The following CREB5 variants were observed in gnomAD, a reference collection of about 807,000 sequenced individuals.
The protein encoded by CREB5 is cyclic AMP-responsive element-binding protein 5.
CREB5 carries 19 observed loss-of-function variants against 57.1 expected under a neutral mutation model. The ratio of observed to expected loss-of-function variants is 0.33; its 90% confidence interval spans 0.23 to 0.49. CREB5 has a LOEUF of 0.49. CREB5 is among the 20% of genes least tolerant of loss of function. The probability of loss-of-function intolerance (pLI) is 0.99; values close to 1 mark genes in which losing one functional copy is unlikely to be tolerated. For synonymous variants in CREB5, 238 were observed against 238.3 expected, an observed-to-expected ratio of 1.00 and a Z score of 0.01; for missense variants, 579 against 671.6, an observed-to-expected ratio of 0.86 and a Z score of 1.52.
chr7:28,582,468 ACTT>A (rs1440728688), intron 5 of CREB5, among the ~76,000 whole-genome samples: 8 of 152,158 alleles, frequency 5.3e-5, no homozygotes, highest in Non-Finnish European at 1.0e-4. Context: ...TGTTGCATCA[ACTT>A]CTTTTTAGTC....
At chr7:28,589,032 G>T (rs1287066207) in intron 5 of CREB5, among the ~76,000 whole-genome samples, 1 of 152,054 alleles carries the variant, frequency 6.6e-6, no homozygotes, top group African/African-American at 2.4e-5. Context: ...CTCACTCTAT[G>T]GTCACTTTTC....
chr7:28,564,356 C>T (rs915408759), intron 4 of CREB5, among the ~76,000 whole-genome samples: 5 of 152,206 alleles, frequency 3.3e-5, no homozygotes, highest in African/African-American at 1.2e-4. Flanking sequence ...ATGCTCCAAC[C>T]TTCACTTTCA....
At chr7:28,411,465 C>T (rs7801904), upstream of CREB5, among the ~76,000 whole-genome samples, 719 of 144,078 alleles carry the variant, frequency 5.0e-3, 9 homozygotes, top group African/African-American at 0.017. Context: ...AGTCATTGAA[C>T]TGAGTCAGAA....
In CREB5 at chr7:28,648,431, A is replaced by G. The variant is rs538145876; in HGVS notation, c.465-70322A>G. Reference sequence around the variant, plus strand: ...ACGCTGAACCTCTTGAGATATAAAGAGGAATAGGAAGATGATAACTTTGGC... The same window carrying G: ...ACGCTGAACCTCTTGAGATATAAAGGGGAATAGGAAGATGATAACTTTGGC... On this transcript the variant is annotated intron_variant, in intron 5 of 10. Coordinates refer to ENST00000357727, the MANE Select transcript of CREB5 (RefSeq NM_182898.4). Among the ~76,000 whole-genome samples, 120 of 152,240 alleles carry G rather than the reference A, an allele frequency of 7.9e-4. No homozygotes were observed. In the South Asian group the frequency reaches 0.024, roughly 31 times the overall value.
intron 7 of CREB5, among the ~76,000 whole-genome samples, chr7:28,734,939 T>G (rs1803884158): frequency 6.6e-6 from 1 of 152,212 alleles, no homozygotes; most frequent in Non-Finnish European, 1.5e-5. Flanking sequence ...ATTTTTCTTC[T>G]TTGTGGTCAG....
upstream of CREB5, among the ~76,000 whole-genome samples, chr7:28,412,070 A>C (rs1469870700): frequency 6.6e-6 from 1 of 152,212 alleles, no homozygotes; most frequent in Non-Finnish European, 1.5e-5. Context: ...CACACATCAG[A>C]GGATTAACAG....
At chr7:28,362,684 TA>T (rs1786510300) in intron 1 of CREB5, among the ~76,000 whole-genome samples, 1 of 152,258 alleles carries the variant, frequency 6.6e-6, no homozygotes, top group East Asian at 1.9e-4. Context: ...TAGGTATTTG[TA>T]AAATCAAATT....
upstream of CREB5, among the ~76,000 whole-genome samples, chr7:28,408,233 C>T (rs548660498): frequency 6.6e-6 from 1 of 152,284 alleles, no homozygotes; most frequent in African/African-American, 2.4e-5. Context: ...TAATACCTGT[C>T]CTACTTCTGG....
chr7:28,318,291 A>G (rs1459066479), intron 1 of CREB5, among the ~76,000 whole-genome samples: 2 of 152,214 alleles, frequency 1.3e-5, no homozygotes, highest in African/African-American at 4.8e-5. Context: ...GACGTAGCCA[A>G]TCTGCAATGT....
At chr7:28,544,710 T>C (rs1794350208) in intron 4 of CREB5, among the ~76,000 whole-genome samples, 2 of 152,146 alleles carry the variant, frequency 1.3e-5, no homozygotes, top group Non-Finnish European at 2.9e-5. Flanking sequence ...ACTGAGCCTG[T>C]AGAACTGACC....
intron 1 of CREB5, among the ~76,000 whole-genome samples, chr7:28,314,541 C>T (rs901081343): frequency 1.3e-5 from 2 of 152,180 alleles, no homozygotes; most frequent in South Asian, 4.1e-4. Flanking sequence ...AGGAGAGTAA[C>T]ATCTGCCACA....
At chr7:28,550,960 A>G (rs548350047) in intron 4 of CREB5, among the ~76,000 whole-genome samples, 23 of 152,318 alleles carry the variant, frequency 1.5e-4, no homozygotes, top group African/African-American at 4.8e-4. Context: ...CCAAATGTTC[A>G]TAGGAACACA....
At chr7:28,644,757 A>G (rs766448065) in intron 5 of CREB5, among the ~76,000 whole-genome samples, 2 of 152,146 alleles carry the variant, frequency 1.3e-5, no homozygotes, top group Non-Finnish European at 2.9e-5. Flanking sequence ...ATTAAAATTA[A>G]AAGTGCTTAC....
chr7:28,443,408 A>G (rs151122496), intron 1 of CREB5, among the ~76,000 whole-genome samples: 10 of 152,340 alleles, frequency 6.6e-5, no homozygotes, highest in Admixed American at 2.6e-4. Flanking sequence ...CAAACCTGCC[A>G]TCTGCTCCAG....
At chr7:28,336,624 A>G (rs1785828174) in intron 1 of CREB5, among the ~76,000 whole-genome samples, 1 of 151,412 alleles carries the variant, frequency 6.6e-6, no homozygotes, top group Non-Finnish European at 1.5e-5. Flanking sequence ...AATTTTGTTT[A>G]TCTTTTCAAA....
In CREB5 at chr7:28,580,735, G is replaced by C. The variant is rs188030146; in HGVS notation, c.464+10198G>C. Among the ~76,000 whole-genome samples the C allele has an allele frequency of 1.6e-4, 24 of 152,200 alleles. 1 individual carries two copies. The highest frequency in any genetic ancestry group is 1.6e-3 in the Admixed American group (24 of 15,302). On this transcript the variant is annotated intron_variant, in intron 5 of 10. Transcript: ENST00000357727. ...ATTAGGAATAATTATTATTTGCTTG[G>C]TTGAGTTGGCAGTTTGGAGCCTGCC...
intron 1 of CREB5, among the ~76,000 whole-genome samples, chr7:28,368,799 C>T (rs10228363): frequency 0.038 from 5,794 of 152,318 alleles, 378 homozygotes; most frequent in African/African-American, 0.13. Context: ...GTAATCCCAG[C>T]ATTTTGGGAG....
Position 28,714,174 on chromosome 7 carries a change from A to G in CREB5, c.465-4579A>G, listed in dbSNP as rs114940956. 9.5e-3 allele frequency among the ~76,000 whole-genome samples: 1,439 copies of G among 152,098 alleles called. 34 individuals are homozygous for G. Among genetic ancestry groups the G allele is most frequent in the African/African-American group, 0.032 (1,343 of 41,478 alleles). ...GAGACAGAGTTTTTCCATGTTACCT[A>G]GGCTGGTCTCGAACTCCTGGGCTTA... On this transcript the variant is annotated intron_variant, in intron 5 of 10. Transcript: ENST00000357727.
intron 7 of CREB5, among the ~76,000 whole-genome samples, chr7:28,737,566 T>G (rs1320741246): frequency 1.0e-5 from 1 of 95,306 alleles, no homozygotes; most frequent in Admixed American, 1.0e-4. Flanking sequence ...TATATATATA[T>G]ATATATATAT....
Sources: allele counts gnomAD v4.1 joint callset (sites outside exome capture counted in the v4.1 genomes callset), GRCh38; gene constraint gnomAD v4.1.1; transcripts MANE v1.5; gene names NCBI Gene and HGNC (gene_info 2026-07-23, HGNC 2026-07-21).